The following EPHB6 variants were observed in gnomAD, a reference collection of about 807,000 sequenced individuals.
EPHB6 encodes ephrin type-B receptor 6.
EPHB6 carries 51 observed loss-of-function variants against 107.0 expected under a neutral mutation model. The observed-to-expected ratio is 0.48, with a 90% CI of 0.38 to 0.60. The LOEUF (loss-of-function observed/expected upper bound fraction) is 0.60, where lower values mean the gene tolerates loss of function less well. Ranked by LOEUF, EPHB6 falls within the 20% of genes least tolerant of loss-of-function variation. EPHB6 has a pLI of 0.00. For missense variants in EPHB6, 1,141 were observed against 1,355.5 expected (o/e 0.84, Z 2.48); for synonymous variants, 553 against 549.0 (o/e 1.01, Z -0.10).
Position 142,863,154 on chromosome 7 carries a change from T to C in EPHB6, c.-74T>C. ...AGCAAGCTTAGCTGTACACCCTGAG[T>C]CTTGCAAAAGCTGCAGCCCCACCCA... On this transcript the variant is annotated 5_prime_UTR_variant, in exon 5 of 20. Transcript: ENST00000652003. The C allele has an allele frequency of 7.6e-7, 1 of 1,315,532 alleles. No individual in the cohort carries two copies. The highest frequency in any genetic ancestry group is 1.1e-6 in the Non-Finnish European group (1 of 918,826). The allele number at this position is 1,315,532 out of a possible 1,614,324, so 81.5% of individuals were successfully genotyped here. A position where few individuals can be genotyped will look rare whatever the true frequency, so the allele number is the denominator to read the frequency against.
In EPHB6 at chr7:142,868,472, A is replaced by G. The variant is rs1794725172; in HGVS notation, c.2039-20A>G. The G allele has an allele frequency of 1.2e-6, 2 of 1,613,976 alleles. No homozygotes were observed. The highest frequency in any genetic ancestry group is 1.7e-6 in the Non-Finnish European group (2 of 1,179,974). On this transcript the variant is annotated intron_variant, in intron 14 of 19. Coordinates refer to ENST00000652003, the MANE Select transcript of EPHB6 (RefSeq NM_004445.6). The surrounding 1 kb of genome is among the most constrained non-coding windows in gnomAD (Gnocchi z 4.2). Reference sequence around the variant, plus strand: ...GCTGTGAGCCTTGATCCCCACCCCAACCTACACCTATTTTCCCAGGCTCTT... The same window carrying G: ...GCTGTGAGCCTTGATCCCCACCCCAGCCTACACCTATTTTCCCAGGCTCTT...
chr7:142,865,046 A>C (rs543696061), intron 7 of EPHB6, among the ~76,000 whole-genome samples: 3 of 152,332 alleles, frequency 2.0e-5, no homozygotes, highest in African/African-American at 4.8e-5. Flanking sequence ...CTCCAGGGTT[A>C]CTATGGAATA....
rs934041435 is a variant in EPHB6, at chr7:142,869,831, G to T, written c.2475G>T (p.Leu825Phe). ...LGHSPQGPSC[L>F]LRWAAPEVIA... is the part of the protein sequence containing the mutation. ...TTACCCCTCAGGGCCCAAGTTGTTTGCTTCGCTGGGCAGCCCCAGAGGTCA... is the reference window on the plus strand; with the variant it reads ...TTACCCCTCAGGGCCCAAGTTGTTTTCTTCGCTGGGCAGCCCCAGAGGTCA... The change falls in exon 17 of 20, where the codon TTG becomes TTT. Residue 825 changes from leucine to phenylalanine, a missense_variant. By Grantham distance (22) the Leu-to-Phe change is conservative. Around this residue, in one of 3 missense-constraint regions of EPHB6, gnomAD observed 616 missense variants for 759.3 expected, o/e 0.81. Coordinates refer to ENST00000652003, the MANE Select transcript of EPHB6 (RefSeq NM_004445.6). The surrounding 1 kb of genome is among the most constrained non-coding windows in gnomAD (Gnocchi z 4.5). 6.2e-7 allele frequency: 1 copy of T among 1,614,192 alleles called. No homozygotes were observed. The highest frequency in any genetic ancestry group is 1.1e-5 in the South Asian group (1 of 91,088).
In EPHB6 at chr7:142,869,751, G is replaced by A. The variant is rs1421559292; in HGVS notation, c.2461-66G>A. Reference sequence around the variant, plus strand: ...AACCCTTGGCATATCTGAGCACATAGTAGTTGCTCAATAAACGTGACTATT... The same window carrying A: ...AACCCTTGGCATATCTGAGCACATAATAGTTGCTCAATAAACGTGACTATT... On this transcript the variant is annotated intron_variant, in intron 16 of 19. Coordinates refer to ENST00000652003, the MANE Select transcript of EPHB6 (RefSeq NM_004445.6). This position sits in a 1 kb window ranked among gnomAD's most constrained non-coding sequence, Gnocchi z 4.5. The A allele has an allele frequency of 6.4e-7, 1 of 1,565,102 alleles. No individual in the cohort carries two copies. Among genetic ancestry groups the A allele is most frequent in the Non-Finnish European group, 8.8e-7 (1 of 1,141,088 alleles).
chr7:142,864,599 G>T lies in EPHB6; in HGVS notation c.799G>T (p.Ala267Ser), dbSNP rs772287441. Residue 267 changes from alanine (A) to serine (S), a missense_variant, in exon 7 of 20, where the codon GCA becomes TCA. Around this residue, in one of 3 missense-constraint regions of EPHB6, gnomAD observed 304 missense variants for 295.7 expected, o/e 1.03. Transcript: ENST00000652003. ...VAAVGTCVAH[A>S]EPEEDGVGGQ... ...AGCTGTGGGCACCTGTGTGGCTCAT[G>T]CAGAGCCAGAGGAGGATGGAGTAGG... 24 of 1,612,788 alleles carry T rather than the reference G, an allele frequency of 1.5e-5. No individual in the cohort carries two copies. Among genetic ancestry groups the T allele is most frequent in the Non-Finnish European group, 2.5e-6 (3 of 1,179,846 alleles).
rs1794792643 is a variant in EPHB6, at chr7:142,869,403, C to T, written c.2460+256C>T. Among the ~76,000 whole-genome samples the T allele has an allele frequency of 6.6e-6, 1 of 152,136 alleles. No individual in the cohort carries two copies. Among genetic ancestry groups the T allele is most frequent in the Non-Finnish European group, 1.5e-5 (1 of 68,020 alleles). ...AATCTAGAACTACCTCCTGCCCTTCCCCCATTGTGGAGATTACACAGACTC... is the reference window on the plus strand; with the variant it reads ...AATCTAGAACTACCTCCTGCCCTTCTCCCATTGTGGAGATTACACAGACTC... On this transcript the variant is annotated intron_variant, in intron 16 of 19. Transcript: ENST00000652003. This position sits in a 1 kb window ranked among gnomAD's most constrained non-coding sequence, Gnocchi z 4.5.
chr7:142,858,423 CTTTTTTTTTTTTTTTTTT>C (rs958011230), intron 1 of EPHB6, among the ~76,000 whole-genome samples: 2 of 57,580 alleles, frequency 3.5e-5, no homozygotes, highest in South Asian at 2.1e-3. Flanking sequence ...TTAAGTCATT[CTTTTTTTTTTTTTTTTTT>C]TTTTTTTTTT....
rs1415994169 is a variant in EPHB6, at chr7:142,868,838, T to A, written c.2286+99T>A. The A allele has an allele frequency of 2.5e-6, 4 of 1,603,968 alleles. No homozygotes were observed. The highest frequency in any genetic ancestry group is 4.5e-5 in the East Asian group (2 of 44,750). ...TTGCTTCTTACCACCCCACCTTCCATGGTCTCCGTCCTTCCTTCCCAGCCA... is the reference window on the plus strand; with the variant it reads ...TTGCTTCTTACCACCCCACCTTCCAAGGTCTCCGTCCTTCCTTCCCAGCCA... On this transcript the variant is annotated intron_variant, in intron 15 of 19. Coordinates refer to ENST00000652003, the MANE Select transcript of EPHB6 (RefSeq NM_004445.6). The surrounding 1 kb of genome is among the most constrained non-coding windows in gnomAD (Gnocchi z 4.2).
chr7:142,870,661 G>A lies in EPHB6; in HGVS notation c.2936G>A (p.Ser979Asn). 6.2e-7 allele frequency: 1 copy of A among 1,614,230 alleles called. No individual in the cohort carries two copies. The highest frequency in any genetic ancestry group is 8.5e-7 in the Non-Finnish European group (1 of 1,180,046). The change falls in exon 19 of 20, where the codon AGT becomes AAT. Residue 979 changes from serine to asparagine, a missense_variant. By Grantham distance (46) the Ser-to-Asn change is conservative. Transcript: ENST00000652003. The stretch of plus-strand genomic sequence containing the variant: ...TCCAAGTTTGGCCTCTGTACCTTCA[G>A]TGATGTGGCTCAGCTCAGCCTAGAG... ...NFSKFGLCTF[S>N]DVAQLSLEDL... is the part of the protein sequence containing the mutation.
In EPHB6 at chr7:142,870,702, G is replaced by T; in HGVS notation, c.2960+17G>T. ...CAGCCTAGAGTAAGCAGGGAGTGGT[G>T]GGGTGGGGGCGAATGCTCCAGGCCC... On this transcript the variant is annotated intron_variant, in intron 19 of 19. Coordinates refer to ENST00000652003, the MANE Select transcript of EPHB6 (RefSeq NM_004445.6). 1 of 1,614,218 alleles carries T rather than the reference G, an allele frequency of 6.2e-7. No individual in the cohort carries two copies. Among genetic ancestry groups the T allele is most frequent in the Non-Finnish European group, 8.5e-7 (1 of 1,180,032 alleles).
In EPHB6 at chr7:142,868,896, T is replaced by C; in HGVS notation, c.2287-78T>C. ...ATTCGACACCCTCCCGCTCTCATGC[T>C]GTTGTCTGCTATGCAGTATGTTGAG... On this transcript the variant is annotated intron_variant, in intron 15 of 19. Coordinates refer to ENST00000652003, the MANE Select transcript of EPHB6 (RefSeq NM_004445.6). The surrounding 1 kb of genome is among the most constrained non-coding windows in gnomAD (Gnocchi z 4.2). The C allele has an allele frequency of 6.3e-7, 1 of 1,581,702 alleles. No homozygotes were observed. The highest frequency in any genetic ancestry group is 8.6e-7 in the Non-Finnish European group (1 of 1,167,700).
At chr7:142,865,691 G>C in intron 8 of EPHB6, 61 bp downstream of exon 8, 2 of 1,592,238 alleles carry the variant, frequency 1.3e-6, no homozygotes, top group Middle Eastern at 4.1e-4. Context: ...AGAAGTGGGG[G>C]TAGCAGGCAA....
chr7:142,864,273 T>C lies in EPHB6; in HGVS notation c.473T>C (p.Ile158Thr). ...HLKRWTKVDT[I>T]AADESFPSSS... ...AAACGCTGGACCAAGGTGGACACAA[T>C]TGCAGCAGACGAGAGCTTTCCCTCC... The change falls in exon 7 of 20, where the codon ATT becomes ACT. Residue 158 changes from isoleucine (I) to threonine (T), a missense_variant. Physicochemically the swap from Ile to Thr is moderately conservative, Grantham distance 89 (BLOSUM62 -1). Around this residue, in one of 3 missense-constraint regions of EPHB6, gnomAD observed 221 missense variants for 300.5 expected, o/e 0.74. Coordinates refer to ENST00000652003, the MANE Select transcript of EPHB6 (RefSeq NM_004445.6). The C allele has an allele frequency of 1.2e-6, 2 of 1,611,768 alleles. No individual in the cohort carries two copies. The highest frequency in any genetic ancestry group is 1.1e-5 in the South Asian group (1 of 90,970).
chr7:142,863,472 A>G, intron 5 of EPHB6, 145 bp downstream of exon 5: 1 of 1,170,830 alleles, frequency 8.5e-7, no homozygotes, highest in Non-Finnish European at 1.3e-6. Context: ...GACCCACATC[A>G]GATTTGTCAG....
rs2116408360 is a variant in EPHB6 at position 142,863,334 on chromosome 7, G to A, written c.100+7G>A. On this transcript the variant is annotated splice_region_variant and intron_variant, in intron 5 of 19. Transcript: ENST00000652003. ...TCAGTTCTGGCTCTGGAAGGTAAGA[G>A]GGAGGGGAGACAGGAGAACCCAGAC... The A allele has an allele frequency of 6.2e-7, 1 of 1,613,744 alleles. No homozygotes were observed. Among genetic ancestry groups the A allele is most frequent in the Non-Finnish European group, 8.5e-7 (1 of 1,179,684 alleles).
chr7:142,856,114 C>T (rs978025769), intron 1 of EPHB6, among the ~76,000 whole-genome samples: 2 of 152,208 alleles, frequency 1.3e-5, no homozygotes, highest in Admixed American at 1.3e-4. Flanking sequence ...TGGCAGCGCC[C>T]ATGGAGCGGA....
At position 142,867,123 on chromosome 7, in the gene EPHB6, G is replaced by T; in HGVS notation, c.1750+55G>T. The stretch of plus-strand genomic sequence containing the variant: ...GGTGAAGGCCCAAGTGGGTAGTGAG[G>T]AGAGGCCCAGGGACTGTCCGGCCTT... On this transcript the variant is annotated intron_variant, in intron 11 of 19. Coordinates refer to ENST00000652003, the MANE Select transcript of EPHB6 (RefSeq NM_004445.6). The surrounding 1 kb of genome is among the most constrained non-coding windows in gnomAD (Gnocchi z 5.3). 6.3e-7 allele frequency: 1 copy of T among 1,592,124 alleles called. No individual in the cohort carries two copies.
Position 142,864,006 on chromosome 7 carries a change from C to G in EPHB6, c.206C>G (p.Thr69Ser). ...VSVLDDQRRL[T>S]RTFEACHVAG... Reference sequence around the variant, plus strand: ...GTTCTGGACGACCAGCGACGCCTGACTCGGACCTTTGAGGCATGTCATGTG... The same window carrying G: ...GTTCTGGACGACCAGCGACGCCTGAGTCGGACCTTTGAGGCATGTCATGTG... The change falls in exon 7 of 20, where the codon ACT becomes AGT. Residue 69 changes from threonine (T) to serine (S), a missense_variant. Coordinates refer to ENST00000652003, the MANE Select transcript of EPHB6 (RefSeq NM_004445.6). 2 of 1,614,238 alleles carry G rather than the reference C, an allele frequency of 1.2e-6. No individual in the cohort carries two copies. Among genetic ancestry groups the G allele is most frequent in the Non-Finnish European group, 1.7e-6 (2 of 1,180,034 alleles).
In EPHB6 at chr7:142,866,914, C is replaced by T. The variant is rs139974502; in HGVS notation, c.1596C>T (p.Asp532=). 9.5e-5 allele frequency: 153 copies of T among 1,613,998 alleles called. No homozygotes were observed. The highest frequency in any genetic ancestry group is 4.2e-4 in the East Asian group (19 of 44,866). ...GTGGCTGTTACCCCCAGGCAGAAGA[C>T]GAATCCCACTCCTTCACCCTGACCA... ...YQLRYYDQAE[D]ESHSFTLTSE... Residue 532 remains aspartate (D), a synonymous_variant, in exon 11 of 20, where the codon GAC becomes GAT. Coordinates refer to ENST00000652003, the MANE Select transcript of EPHB6 (RefSeq NM_004445.6). The surrounding 1 kb of genome is among the most constrained non-coding windows in gnomAD (Gnocchi z 5.2).
Sources: allele counts gnomAD v4.1 joint callset (sites outside exome capture counted in the v4.1 genomes callset), GRCh38; gene constraint gnomAD v4.1.1; regional missense constraint gnomAD v4.1.1; non-coding constraint Gnocchi (gnomAD v3.1); transcripts MANE v1.5; gene names NCBI Gene and HGNC (gene_info 2026-07-23, HGNC 2026-07-21).